The following CSMD1 variants were observed in gnomAD, a reference collection of about 807,000 sequenced individuals.
The protein encoded by CSMD1 is CUB and sushi domain-containing protein 1.
CSMD1 carries 213 observed loss-of-function variants against 417.5 expected under a neutral mutation model. That is an observed-to-expected ratio of 0.51 (90% CI 0.46 to 0.57). The LOEUF is 0.57. CSMD1 is among the 20% of genes least tolerant of loss of function. The probability of loss-of-function intolerance (pLI) is 0.00; values close to 1 mark genes in which losing one functional copy is unlikely to be tolerated. For missense variants in CSMD1, 6,923 were observed against 4,529.7 expected (o/e 1.53, Z -15.17); for synonymous variants, 2,862 against 1,736.8 (o/e 1.65, Z -16.11).
chr8:4,172,417 G>C (rs777203777), intron 3 of CSMD1, among the ~76,000 whole-genome samples: 2 of 151,846 alleles, frequency 1.3e-5, no homozygotes, highest in Admixed American at 6.6e-5. Context: ...CATGGCTCCC[G>C]CGTTACACAG....
chr8:3,303,506 C>G (rs979808297), intron 25 of CSMD1, among the ~76,000 whole-genome samples: 1 of 152,164 alleles, frequency 6.6e-6, no homozygotes, highest in Admixed American at 6.5e-5. Context: ...GTTTTTCATA[C>G]TGTGCGAGCT....
intron 3 of CSMD1, among the ~76,000 whole-genome samples, chr8:4,133,986 A>T (rs1275327073): frequency 6.6e-6 from 1 of 152,220 alleles, no homozygotes; most frequent in Non-Finnish European, 1.5e-5. Context: ...CGGTTTTCTT[A>T]TCCATAAAAG....
chr8:4,855,183 A>G (rs961589467), intron 1 of CSMD1, among the ~76,000 whole-genome samples: 4 of 150,066 alleles, frequency 2.7e-5, no homozygotes, highest in Non-Finnish European at 4.4e-5. Context: ...GGGTACTCCA[A>G]CAGACCTGCA....
intron 8 of CSMD1, among the ~76,000 whole-genome samples, chr8:3,613,915 A>T (rs1429687382): frequency 6.6e-6 from 1 of 152,142 alleles, no homozygotes; most frequent in Non-Finnish European, 1.5e-5. Flanking sequence ...TTTCTTACCA[A>T]TACATTTAAA....
chr8:4,945,889 G>C (rs1300529495), intron 1 of CSMD1, among the ~76,000 whole-genome samples: 2 of 152,170 alleles, frequency 1.3e-5, no homozygotes, highest in Admixed American at 6.5e-5. Context: ...AGAAACTCCT[G>C]AATAATAGCA....
At chr8:4,350,674 G>T (rs191683953) in intron 3 of CSMD1, among the ~76,000 whole-genome samples, 182 of 152,342 alleles carry the variant, frequency 1.2e-3, no homozygotes, top group African/African-American at 3.9e-3. Context: ...GAACAAAGGT[G>T]TATTTTTCAT....
intron 6 of CSMD1, among the ~76,000 whole-genome samples, chr8:3,742,482 A>G (rs1363327419): frequency 6.6e-6 from 1 of 152,204 alleles, no homozygotes; most frequent in African/African-American, 2.4e-5. Context: ...TATGATTTAT[A>G]CATTTTTAAA....
chr8:3,244,701 G>A (rs1020272473), intron 26 of CSMD1, among the ~76,000 whole-genome samples: 3 of 152,166 alleles, frequency 2.0e-5, no homozygotes, highest in Non-Finnish European at 4.4e-5. Context: ...CACCCTGGAC[G>A]GTGAATGGAA....
intron 1 of CSMD1, among the ~76,000 whole-genome samples, chr8:4,860,934 TCAG>T (rs1802094820): frequency 6.6e-6 from 1 of 152,058 alleles, no homozygotes; most frequent in Non-Finnish European, 1.5e-5. Flanking sequence ...CCCTCAAACT[TCAG>T]CTCTGATATC....
chr8:4,136,963 C>G (rs1803479630), intron 3 of CSMD1, among the ~76,000 whole-genome samples: 2 of 152,204 alleles, frequency 1.3e-5, no homozygotes, highest in Non-Finnish European at 2.9e-5. Flanking sequence ...AATATTCAGC[C>G]TATATCAATG....
intron 2 of CSMD1, among the ~76,000 whole-genome samples, chr8:4,628,789 T>C (rs1802321971): frequency 6.6e-6 from 1 of 152,070 alleles, no homozygotes; most frequent in Non-Finnish European, 1.5e-5. Flanking sequence ...TCTACTGAAA[T>C]CACTACAACC....
At chr8:4,580,204 G>T (rs1799346157) in intron 2 of CSMD1, among the ~76,000 whole-genome samples, 1 of 152,178 alleles carries the variant, frequency 6.6e-6, no homozygotes, top group African/African-American at 2.4e-5. Context: ...GCCTGAGCTT[G>T]CCCCCTGCTG....
At chr8:4,211,236 C>G (rs1376330695) in intron 3 of CSMD1, among the ~76,000 whole-genome samples, 1 of 151,768 alleles carries the variant, frequency 6.6e-6, no homozygotes. Context: ...AATTAAGCAC[C>G]TCAGATAGGG....
At chr8:4,361,397 G>C (rs1328409513) in intron 3 of CSMD1, among the ~76,000 whole-genome samples, 1 of 150,758 alleles carries the variant, frequency 6.6e-6, no homozygotes, top group Non-Finnish European at 1.5e-5. Context: ...AGGGCTAACT[G>C]TGTCTCAGGC....
chr8:3,680,551 TAC>T (rs1241600157), intron 7 of CSMD1, among the ~76,000 whole-genome samples: 1 of 152,098 alleles, frequency 6.6e-6, no homozygotes, highest in Non-Finnish European at 1.5e-5. Flanking sequence ...ATTAATAGCT[TAC>T]CAACCAAAAA....
chr8:3,050,796 T>A (rs1336777407), intron 50 of CSMD1, among the ~76,000 whole-genome samples: 1 of 152,214 alleles, frequency 6.6e-6, no homozygotes, highest in African/African-American at 2.4e-5. Flanking sequence ...TATCTAAGTA[T>A]ATGGATATAA....
intron 39 of CSMD1, among the ~76,000 whole-genome samples, chr8:3,155,382 T>TTTTTTTTTTA (rs1819460139): frequency 1.8e-5 from 2 of 111,226 alleles, no homozygotes; most frequent in East Asian, 5.7e-4. Flanking sequence ...TTTTTTTTTT[T>TTTTTTTTTTA]TTTGAGACAG....
intron 2 of CSMD1, among the ~76,000 whole-genome samples, chr8:4,601,451 C>G (rs73659138): frequency 0.031 from 4,669 of 152,218 alleles, 116 homozygotes; most frequent in African/African-American, 0.069. Flanking sequence ...ATCATCTCAT[C>G]TGTTCCTGAA....
At chr8:3,449,837 A>G (rs756356488) in intron 12 of CSMD1, among the ~76,000 whole-genome samples, 4 of 152,190 alleles carry the variant, frequency 2.6e-5, no homozygotes, top group African/African-American at 7.2e-5. Flanking sequence ...ATTTATATCC[A>G]TATAAATTCA....
Sources: gnomAD v4.1 joint callset for allele counts (sites outside exome capture counted in the v4.1 genomes callset) on GRCh38, gnomAD v4.1.1 for gene constraint, MANE v1.5 for transcripts, NCBI Gene and HGNC (gene_info 2026-07-23, HGNC 2026-07-21) for gene names.